POLR2B: variants seen among roughly 807,000 people sequenced by gnomAD.
The protein encoded by POLR2B is DNA-directed RNA polymerase II subunit RPB2.
Under a neutral mutation model 144.6 loss-of-function variants are expected in POLR2B, and 57 were observed. That is an observed-to-expected ratio of 0.39 (90% CI 0.32 to 0.49). The LOEUF (loss-of-function observed/expected upper bound fraction) is 0.49. Among genes scored for constraint, POLR2B ranks in the 20% least tolerant of loss-of-function variants. The pLI, the probability that POLR2B is intolerant of heterozygous loss-of-function variation, is 0.83. For missense variants in POLR2B, 595 were observed against 1,467.4 expected (o/e 0.41, Z 9.71); for synonymous variants, 442 against 469.8 (o/e 0.94, Z 0.77).
intron 3 of POLR2B, 51 bp downstream of exon 3, chr4:56,990,949 AT>A: frequency 6.7e-7 from 1 of 1,495,988 alleles, no homozygotes; most frequent in South Asian, 1.3e-5. Flanking sequence ...TTGGTTTGAA[AT>A]TTTAGCCCTT....
intron 1 of POLR2B, among the ~76,000 whole-genome samples, chr4:56,983,727 C>T (rs543725791): frequency 2.6e-5 from 4 of 152,156 alleles, no homozygotes; most frequent in South Asian, 2.1e-4. Flanking sequence ...AGGCTGGTCT[C>T]GAACTCCTGG....
intron 3 of POLR2B, 127 bp downstream of exon 3, chr4:56,991,025 G>T (rs557411807): frequency 1.7e-6 from 1 of 593,338 alleles, no homozygotes. Context: ...TTACAGCACC[G>T]TCAATCACTT....
chr4:57,017,187 C>T lies in POLR2B; in HGVS notation c.2100C>T (p.Pro700=), dbSNP rs1042849416. 6.2e-7 allele frequency: 1 copy of T among 1,613,204 alleles called. No individual in the cohort carries two copies. Among genetic ancestry groups the T allele is most frequent in the Middle Eastern group, 1.7e-4 (1 of 6,056 alleles). The change falls in exon 15 of 25, where the codon CCC becomes CCT. Residue 700 remains proline (P), a synonymous_variant. Coordinates refer to ENST00000314595, the MANE Select transcript of POLR2B (RefSeq NM_000938.3). This position sits in a 1 kb window ranked among gnomAD's most constrained non-coding sequence, Gnocchi z 4.8. ...CATATACACACTGTGAGATTCATCC[C>T]TCAATGATCCTTGGTGTCTGTGCAT... ...CSTYTHCEIH[P]SMILGVCASI... is the part of the protein sequence containing the mutation.
intron 16 of POLR2B, among the ~76,000 whole-genome samples, chr4:57,018,946 T>C (rs1723453930): frequency 6.6e-6 from 1 of 152,154 alleles, no homozygotes; most frequent in African/African-American, 2.4e-5. Flanking sequence ...GTAGAGTTCT[T>C]TGGCACTGTT....
rs890164121 is a variant in POLR2B, at chr4:57,023,991, A to G, written c.2857-14A>G. On this transcript the variant is annotated splice_polypyrimidine_tract_variant and intron_variant, in intron 20 of 24. Coordinates refer to ENST00000314595, the MANE Select transcript of POLR2B (RefSeq NM_000938.3). The surrounding 1 kb of genome is among the most constrained non-coding windows in gnomAD (Gnocchi z 4.3). ...TATGTATCTTTGAGTCCCTTTTAAA[A>G]TTTTTCTTTGTAGGATATGCCTTTC... 11 of 1,480,030 alleles carry G rather than the reference A, an allele frequency of 7.4e-6. No homozygotes were observed. The highest frequency in any genetic ancestry group is 1.0e-5 in the Non-Finnish European group (11 of 1,087,206). The allele number at this position is 1,480,030 out of a possible 1,614,324, so 91.7% of individuals were successfully genotyped here.
chr4:56,982,350 G>A (rs1305443188), intron 1 of POLR2B, among the ~76,000 whole-genome samples: 1 of 151,892 alleles, frequency 6.6e-6, no homozygotes, highest in Non-Finnish European at 1.5e-5. Flanking sequence ...ATATTAAAAA[G>A]CTTGAGGCCA....
chr4:57,011,134 G>A (rs1183349065), intron 13 of POLR2B, 34 bp downstream of exon 13: 1 of 1,369,602 alleles, frequency 7.3e-7, no homozygotes, highest in Non-Finnish European at 1.0e-6. Flanking sequence ...TGTGGACTGT[G>A]AGATTTTTAA....
intron 2 of POLR2B, among the ~76,000 whole-genome samples, chr4:56,989,143 A>G (rs1242016990): frequency 1.3e-5 from 2 of 152,234 alleles, no homozygotes; most frequent in African/African-American, 2.4e-5. Flanking sequence ...GATCATAAAT[A>G]TGAAATATTT....
chr4:56,986,587 G>T (rs1235169938), intron 2 of POLR2B, 161 bp downstream of exon 2: 8 of 487,900 alleles, frequency 1.6e-5, no homozygotes, highest in Non-Finnish European at 2.2e-5. Context: ...GTTACACAAA[G>T]AATTCATTTA....
chr4:57,017,211 A>C lies in POLR2B; in HGVS notation c.2124A>C (p.Ala708=). The change falls in exon 15 of 25, where the codon GCA becomes GCC. Residue 708 remains alanine (A), a synonymous_variant. Coordinates refer to ENST00000314595, the MANE Select transcript of POLR2B (RefSeq NM_000938.3). This position sits in a 1 kb window ranked among gnomAD's most constrained non-coding sequence, Gnocchi z 4.8. ...IHPSMILGVC[A]SIIPFPDHNQ... Reference sequence around the variant, plus strand: ...CCTCAATGATCCTTGGTGTCTGTGCATCTATTATTCCCTTTCCTGATCATA... The same window carrying C: ...CCTCAATGATCCTTGGTGTCTGTGCCTCTATTATTCCCTTTCCTGATCATA... 1 of 1,613,028 alleles carries C rather than the reference A, an allele frequency of 6.2e-7. No homozygotes were observed. The highest frequency in any genetic ancestry group is 8.5e-7 in the Non-Finnish European group (1 of 1,179,456).
Position 57,015,525 on chromosome 4 carries a change from A to G in POLR2B, c.1824A>G (p.Arg608=). ...VSEVSMIRDI[R]EREIRIYTDA... ...AGGTTTCTATGATCAGAGATATTCGAGAGAGGGAGATTCGGATCTATACGG... is the reference window on the plus strand; with the variant it reads ...AGGTTTCTATGATCAGAGATATTCGGGAGAGGGAGATTCGGATCTATACGG... Residue 608 remains arginine (R), a synonymous_variant, in exon 14 of 25, where the codon CGA becomes CGG. Transcript: ENST00000314595. The G allele has an allele frequency of 7.1e-7, 1 of 1,411,626 alleles. No homozygotes were observed. The allele number at this position is 1,411,626 out of a possible 1,614,324, so 87.4% of individuals were successfully genotyped here.
rs775299696 is a variant in POLR2B, at chr4:57,006,864, T to C, written c.1266T>C (p.Phe422=). The C allele has an allele frequency of 1.9e-6, 3 of 1,613,694 alleles. No homozygotes were observed. The highest frequency in any genetic ancestry group is 2.2e-5 in the South Asian group (2 of 91,080). The change falls in exon 10 of 25, where the codon TTT becomes TTC. Residue 422 remains phenylalanine (F), a synonymous_variant. Coordinates refer to ENST00000314595, the MANE Select transcript of POLR2B (RefSeq NM_000938.3). ...LKEVRIYAQK[F]IDRGKDFNLE... ...AAGTGCGGATCTATGCACAGAAATTTATTGATCGAGGAAAGGATTTTAACT... is the reference window on the plus strand; with the variant it reads ...AAGTGCGGATCTATGCACAGAAATTCATTGATCGAGGAAAGGATTTTAACT...
chr4:57,005,530 A>C, intron 8 of POLR2B, 70 bp from the exon 9 acceptor site: 3 of 1,523,394 alleles, frequency 2.0e-6, no homozygotes, highest in Non-Finnish European at 2.7e-6. Flanking sequence ...TGTTTTTAAC[A>C]TATAAATCAA....
At chr4:56,993,176 G>A (rs893071734) in intron 3 of POLR2B, among the ~76,000 whole-genome samples, 4 of 151,836 alleles carry the variant, frequency 2.6e-5, no homozygotes, top group East Asian at 2.0e-4. Context: ...CTGGTGGTGC[G>A]CCTGTAGTCC....
Position 57,006,855 on chromosome 4 carries a change from A to T in POLR2B, c.1257A>T (p.Ala419=). 1 of 1,613,756 alleles carries T rather than the reference A, an allele frequency of 6.2e-7. No homozygotes were observed. Among genetic ancestry groups the T allele is most frequent in the African/African-American group, 1.3e-5 (1 of 75,034 alleles). Residue 419 remains alanine, a synonymous_variant, in exon 10 of 25, where the codon GCA becomes GCT. Coordinates refer to ENST00000314595, the MANE Select transcript of POLR2B (RefSeq NM_000938.3). The part of the protein sequence containing the change: ...KNLLKEVRIY[A]QKFIDRGKDF... ...TGCTTAAAGAAGTGCGGATCTATGC[A>T]CAGAAATTTATTGATCGAGGAAAGG...
At chr4:57,001,466 G>A (rs1209007952) in intron 7 of POLR2B, among the ~76,000 whole-genome samples, 2 of 152,156 alleles carry the variant, frequency 1.3e-5, no homozygotes, top group South Asian at 2.1e-4. Flanking sequence ...TGGCCTCCTC[G>A]GCCTTTCTTT....
intron 18 of POLR2B, among the ~76,000 whole-genome samples, chr4:57,022,539 C>T (rs992349797): frequency 2.0e-5 from 3 of 152,170 alleles, no homozygotes; most frequent in African/African-American, 7.2e-5. Flanking sequence ...TTTCTGGGGA[C>T]ACACTTCACA....
intron 1 of POLR2B, among the ~76,000 whole-genome samples, chr4:56,982,605 C>T (rs1170047074): frequency 6.6e-6 from 1 of 151,912 alleles, no homozygotes; most frequent in Non-Finnish European, 1.5e-5. Flanking sequence ...AAAAAAATTG[C>T]GTCCTTGTAA....
chr4:56,998,941 G>A (rs1722770749), intron 6 of POLR2B, among the ~76,000 whole-genome samples: 1 of 152,166 alleles, frequency 6.6e-6, no homozygotes, highest in Non-Finnish European at 1.5e-5. Context: ...GGGTTATGAG[G>A]CCAAGGGAAG....
Sources: allele counts gnomAD v4.1 joint callset (sites outside exome capture counted in the v4.1 genomes callset), GRCh38; gene constraint gnomAD v4.1.1; non-coding constraint Gnocchi (gnomAD v3.1); transcripts MANE v1.5; gene names NCBI Gene and HGNC (gene_info 2026-07-23, HGNC 2026-07-21).